Variants in SGCD observed in about 807,000 individuals in gnomAD.
SGCD encodes the protein delta-sarcoglycan.
In SGCD, 18 loss-of-function variants were observed where a neutral mutation model predicts 36.6. The observed-to-expected ratio is 0.49, with a 90% CI of 0.34 to 0.73. The LOEUF (loss-of-function observed/expected upper bound fraction) is 0.73. SGCD is among the 30% of genes least tolerant of loss of function. The pLI is 0.01. For synonymous variants in SGCD, 133 were observed against 130.6 expected, an observed-to-expected ratio of 1.02 and a Z score of -0.12; for missense variants, 387 against 346.7, an observed-to-expected ratio of 1.12 and a Z score of -0.92.
At chr5:156,317,575 T>G (rs1260019896) in intron 3 of SGCD, among the ~76,000 whole-genome samples, 1 of 152,188 alleles carries the variant, frequency 6.6e-6, no homozygotes, top group Non-Finnish European at 1.5e-5. Flanking sequence ...GTTTCAAAAT[T>G]ACATAAAGTA....
chr5:156,580,701 AGCTTGT>A (rs2113334333), intron 4 of SGCD, among the ~76,000 whole-genome samples: 1 of 152,304 alleles, frequency 6.6e-6, no homozygotes, highest in East Asian at 1.9e-4. Context: ...CAGCTATTGA[AGCTTGT>A]GCATGCATCA....
chr5:155,975,253 T>A (rs1758086043), intron 1 of SGCD, among the ~76,000 whole-genome samples: 1 of 152,194 alleles, frequency 6.6e-6, no homozygotes, highest in South Asian at 2.1e-4. Context: ...GAAGGCCTAT[T>A]GGGGGCCTAT....
upstream of SGCD, among the ~76,000 whole-genome samples, chr5:156,324,193 G>C (rs1334059728): frequency 6.6e-6 from 1 of 152,120 alleles, no homozygotes; most frequent in East Asian, 1.9e-4. Flanking sequence ...GTTAACAAAG[G>C]GATGCTAGCA....
intron 1 of SGCD, among the ~76,000 whole-genome samples, chr5:155,895,687 CA>C (rs11361236): frequency 0.5 from 69,505 of 139,430 alleles, 18,189 homozygotes; most frequent in Non-Finnish European, 0.63. Flanking sequence ...GTAATGGCAC[CA>C]AAAAAAAAAA....
chr5:155,834,209 A>C, the SGCD span, among the ~76,000 whole-genome samples: 28 of 152,196 alleles, frequency 1.8e-4, no homozygotes, highest in African/African-American at 6.3e-4. Context: ...AAATACTCCA[A>C]GGCAGGAACT....
Position 156,762,692 on chromosome 5 carries a change from A to G in SGCD, c.*3302A>G, listed in dbSNP as rs553155462. 9.8e-5 allele frequency: 15 copies of G among 152,746 alleles called. No individual in the cohort carries two copies. The highest frequency in any genetic ancestry group is 2.9e-4 in the African/African-American group (12 of 41,576). 9.5% of individuals were successfully genotyped at this position (152,746 alleles called of 1,614,324 possible). Reference sequence around the variant, plus strand: ...TATTGTCACATAGCCACATACATTCATTTACATGTTTTCTGATTTTACACT... The same window carrying G: ...TATTGTCACATAGCCACATACATTCGTTTACATGTTTTCTGATTTTACACT... On this transcript the variant is annotated 3_prime_UTR_variant, in exon 9 of 9. Coordinates refer to ENST00000337851, the MANE Select transcript of SGCD (RefSeq NM_000337.6).
At chr5:155,864,733 T>C in the SGCD span, among the ~76,000 whole-genome samples, 1,765 of 136,848 alleles carry the variant, frequency 0.013, 8 homozygotes, top group Non-Finnish European at 0.022. Flanking sequence ...TCTCACTGGA[T>C]AAACTACAAA....
intron 3 of SGCD, among the ~76,000 whole-genome samples, chr5:156,397,695 G>C (rs1050894178): frequency 4.6e-5 from 7 of 152,170 alleles, no homozygotes; most frequent in African/African-American, 1.7e-4. Flanking sequence ...TCTATGGAGA[G>C]ACAAGTCTTA....
the SGCD span, among the ~76,000 whole-genome samples, chr5:155,829,558 G>C: frequency 6.6e-6 from 1 of 152,194 alleles, no homozygotes; most frequent in East Asian, 1.9e-4. Context: ...GAAGAAAGCA[G>C]GGAGAATATT....
intron 4 of SGCD, among the ~76,000 whole-genome samples, chr5:156,526,272 T>G (rs181676033): frequency 1.2e-3 from 182 of 152,160 alleles, no homozygotes; most frequent in Middle Eastern, 6.8e-3. Flanking sequence ...AAAAAAAAAG[T>G]GAGAACTATC....
At chr5:156,265,729 C>T (rs1483377358) in intron 3 of SGCD, among the ~76,000 whole-genome samples, 1 of 151,198 alleles carries the variant, frequency 6.6e-6, no homozygotes, top group Non-Finnish European at 1.5e-5. Context: ...CCATGTGGGC[C>T]CCATAATTTA....
chr5:155,788,680 A>G, the SGCD span, among the ~76,000 whole-genome samples: 1 of 152,168 alleles, frequency 6.6e-6, no homozygotes, highest in South Asian at 2.1e-4. Context: ...TTGCCTTTTA[A>G]GCGTATGCCA....
At chr5:156,498,781 G>C (rs2127859604) in intron 3 of SGCD, among the ~76,000 whole-genome samples, 1 of 152,306 alleles carries the variant, frequency 6.6e-6, no homozygotes, top group South Asian at 2.1e-4. Flanking sequence ...ATTGGGCAGA[G>C]AGCCCAGAGT....
intron 3 of SGCD, among the ~76,000 whole-genome samples, chr5:156,215,328 C>T (rs1233631816): frequency 6.6e-6 from 1 of 151,960 alleles, no homozygotes; most frequent in African/African-American, 2.4e-5. Context: ...TAAAAATACA[C>T]AAATGGGATT....
intron 4 of SGCD, among the ~76,000 whole-genome samples, chr5:156,536,515 T>C (rs1016388726): frequency 9.2e-5 from 14 of 152,204 alleles, no homozygotes; most frequent in African/African-American, 3.4e-4. Flanking sequence ...AATTAATATG[T>C]TAAGGAATCA....
intron 7 of SGCD, among the ~76,000 whole-genome samples, chr5:156,738,203 T>C (rs929698572): frequency 4.6e-5 from 7 of 152,206 alleles, no homozygotes; most frequent in East Asian, 3.8e-4. Context: ...TTTTCTTTGA[T>C]ATTCAAATCA....
chr5:155,905,524 G>A (rs1201959179), intron 1 of SGCD, among the ~76,000 whole-genome samples: 1 of 152,082 alleles, frequency 6.6e-6, no homozygotes, highest in African/African-American at 2.4e-5. Flanking sequence ...ATGCAGCTAA[G>A]TTCTCACGTG....
chr5:156,173,013 C>G (rs974543071), intron 3 of SGCD, among the ~76,000 whole-genome samples: 1 of 151,948 alleles, frequency 6.6e-6, no homozygotes, highest in Non-Finnish European at 1.5e-5. Flanking sequence ...AAAATATATT[C>G]TAATCATGGA....
intron 7 of SGCD, among the ~76,000 whole-genome samples, chr5:156,756,353 C>T (rs1006953843): frequency 6.6e-6 from 1 of 152,104 alleles, no homozygotes; most frequent in African/African-American, 2.4e-5. Context: ...TTGAGACCAG[C>T]CTGGGCAAAC....
Sources: allele counts gnomAD v4.1 joint callset (sites outside exome capture counted in the v4.1 genomes callset), GRCh38; gene constraint gnomAD v4.1.1; transcripts MANE v1.5; gene names NCBI Gene and HGNC (gene_info 2026-07-23, HGNC 2026-07-21).